The following C1QTNF3 variants were observed in gnomAD, a reference collection of about 807,000 sequenced individuals.
The protein encoded by C1QTNF3 is complement C1q tumor necrosis factor-related protein 3.
Under a neutral mutation model 32.6 loss-of-function variants are expected in C1QTNF3, and 26 were observed. The observed-to-expected ratio is 0.80, with a 90% CI of 0.58 to 1.11. The LOEUF (loss-of-function observed/expected upper bound fraction) is 1.11, where lower values mean the gene tolerates loss of function less well. Ranked by LOEUF, C1QTNF3 falls within the 50% of genes least tolerant of loss-of-function variation. The pLI is 0.00. For missense variants in C1QTNF3, 362 were observed against 398.2 expected (o/e 0.91, Z 0.77); for synonymous variants, 155 against 146.0 (o/e 1.06, Z -0.44).
chr5:34,095,546 AACT>A, the C1QTNF3 span, among the ~76,000 whole-genome samples: 14 of 147,400 alleles, frequency 9.5e-5, no homozygotes, highest in African/African-American at 3.5e-4. Flanking sequence ...CATTATCTGA[AACT>A]ATATTATTTA....
the C1QTNF3 span, among the ~76,000 whole-genome samples, chr5:34,229,631 T>C: frequency 6.6e-6 from 1 of 152,182 alleles, no homozygotes; most frequent in Non-Finnish European, 1.5e-5. Context: ...TAAGATTCTT[T>C]ACATGTAGAA....
chr5:34,147,868 T>C, the C1QTNF3 span, among the ~76,000 whole-genome samples: 2 of 152,098 alleles, frequency 1.3e-5, no homozygotes, highest in Non-Finnish European at 2.9e-5. Flanking sequence ...GATGGCCGAA[T>C]AGGAACAGCT....
At chr5:34,110,180 G>A in the C1QTNF3 span, among the ~76,000 whole-genome samples, 1 of 152,240 alleles carries the variant, frequency 6.6e-6, no homozygotes, top group South Asian at 2.1e-4. Flanking sequence ...CAGCAGATCC[G>A]ACAAAAGAGG....
chr5:34,104,857 A>AT, the C1QTNF3 span, among the ~76,000 whole-genome samples: 1 of 151,914 alleles, frequency 6.6e-6, no homozygotes, highest in South Asian at 2.1e-4. Flanking sequence ...TAATGTAAAT[A>AT]TAATAGATAA....
chr5:34,082,371 A>C, the C1QTNF3 span, among the ~76,000 whole-genome samples: 3 of 151,426 alleles, frequency 2.0e-5, no homozygotes, highest in Non-Finnish European at 4.4e-5. Context: ...AAATAATTCT[A>C]TTATTAGGCA....
intron 4 of C1QTNF3, among the ~76,000 whole-genome samples, chr5:34,025,115 C>T (rs1197800430): frequency 6.6e-6 from 1 of 152,078 alleles, no homozygotes; most frequent in Non-Finnish European, 1.5e-5. Flanking sequence ...GTTCTGGGAA[C>T]AAAGGAAATG....
chr5:34,157,075 G>A, the C1QTNF3 span, among the ~76,000 whole-genome samples: 1 of 152,074 alleles, frequency 6.6e-6, no homozygotes. Context: ...TATGACTATT[G>A]GAGTAATTTT....
chr5:34,056,438 GTGTGTGTGTGTGTGTGTA>G, the C1QTNF3 span, among the ~76,000 whole-genome samples: 2 of 43,232 alleles, frequency 4.6e-5, no homozygotes, highest in African/African-American at 9.2e-5. Flanking sequence ...GTGTGTGTGT[GTGTGTGTGTGTGTGTGTA>G]TATATATATA....
chr5:34,081,282 G>A, the C1QTNF3 span, among the ~76,000 whole-genome samples: 1 of 151,594 alleles, frequency 6.6e-6, no homozygotes, highest in Non-Finnish European at 1.5e-5. Flanking sequence ...GTATACCCAG[G>A]AAATACACTA....
At chr5:34,071,386 T>C in the C1QTNF3 span, among the ~76,000 whole-genome samples, 1 of 152,204 alleles carries the variant, frequency 6.6e-6, no homozygotes, top group Non-Finnish European at 1.5e-5. Context: ...AGAATTAATA[T>C]ATCAAACAAA....
chr5:34,062,161 T>C, the C1QTNF3 span, among the ~76,000 whole-genome samples: 5 of 152,178 alleles, frequency 3.3e-5, no homozygotes, highest in Non-Finnish European at 7.3e-5. Flanking sequence ...CATAACAATA[T>C]TCACCTTTGC....
chr5:34,227,918 G>A, the C1QTNF3 span, among the ~76,000 whole-genome samples: 1 of 151,486 alleles, frequency 6.6e-6, no homozygotes, highest in Non-Finnish European at 1.5e-5. Context: ...AACAAGTGCT[G>A]GCAACAGATT....
the C1QTNF3 span, among the ~76,000 whole-genome samples, chr5:34,048,950 T>C: frequency 6.6e-6 from 1 of 152,196 alleles, no homozygotes; most frequent in African/African-American, 2.4e-5. Flanking sequence ...GGTTGGTCTG[T>C]CTGAATTCTC....
At chr5:34,195,463 A>G in the C1QTNF3 span, among the ~76,000 whole-genome samples, 2 of 150,624 alleles carry the variant, frequency 1.3e-5, no homozygotes, top group East Asian at 3.9e-4. Flanking sequence ...TTGGAGAGAA[A>G]GAAACCTATC....
At chr5:34,108,548 T>A in the C1QTNF3 span, among the ~76,000 whole-genome samples, 1 of 152,104 alleles carries the variant, frequency 6.6e-6, no homozygotes, top group African/African-American at 2.4e-5. Flanking sequence ...GACAACAGAA[T>A]TTTATTTAAG....
the C1QTNF3 span, among the ~76,000 whole-genome samples, chr5:34,083,272 C>G: frequency 6.6e-6 from 1 of 151,492 alleles, no homozygotes; most frequent in African/African-American, 2.4e-5. Context: ...ACAGAATAAT[C>G]TGCCTTGACA....
rs571742518 is a variant in C1QTNF3 at position 34,027,497 on chromosome 5, C to G, written c.700+1257G>C. ...GTGGATCACTTCAGGCCAGGAATTT[C>G]AGACCAGCCTGGCCAACATGGTAAA... On this transcript the variant is annotated intron_variant, in intron 4 of 5. Transcript: ENST00000382065. 9.2e-5 allele frequency among the ~76,000 whole-genome samples: 14 copies of G among 152,148 alleles called. No individual in the cohort carries two copies. In the South Asian group the frequency reaches 2.9e-3, roughly 32 times the overall value.
the C1QTNF3 span, among the ~76,000 whole-genome samples, chr5:34,103,858 T>G: frequency 6.6e-6 from 1 of 152,024 alleles, no homozygotes; most frequent in Non-Finnish European, 1.5e-5. Context: ...ACGTTTTATA[T>G]ATGTATATTT....
the C1QTNF3 span, among the ~76,000 whole-genome samples, chr5:34,131,893 A>G: frequency 6.6e-6 from 1 of 152,230 alleles, no homozygotes; most frequent in African/African-American, 2.4e-5. Context: ...AAATATGTAC[A>G]ATTATCACAT....
Sources: gnomAD v4.1 joint callset for allele counts (sites outside exome capture counted in the v4.1 genomes callset) on GRCh38, gnomAD v4.1.1 for gene constraint, MANE v1.5 for transcripts, NCBI Gene and HGNC (gene_info 2026-07-23, HGNC 2026-07-21) for gene names.